Variants in RALGAPA2 observed in about 807,000 individuals in gnomAD.
RALGAPA2 encodes the protein Ral GTPase activating protein catalytic subunit alpha 2.
RALGAPA2 carries 139 observed loss-of-function variants against 230.4 expected under a neutral mutation model. That is an observed-to-expected ratio of 0.60 (90% CI 0.53 to 0.69). The LOEUF is 0.69. RALGAPA2 is among the 30% of genes least tolerant of loss of function. RALGAPA2 has a pLI of 0.00. For synonymous variants in RALGAPA2, 847 were observed against 837.8 expected, an observed-to-expected ratio of 1.01 and a Z score of -0.19; for missense variants, 2,163 against 2,276.0, an observed-to-expected ratio of 0.95 and a Z score of 1.01.
At chr20:20,430,331 C>T (rs534050641) in intron 37 of RALGAPA2, among the ~76,000 whole-genome samples, 20 of 152,334 alleles carry the variant, frequency 1.3e-4, no homozygotes, top group Non-Finnish European at 2.4e-4. Context: ...CACTGACTAC[C>T]GTGGCCAGGC....
intron 30 of RALGAPA2, 89 bp downstream of exon 30, chr20:20,524,317 A>C: frequency 6.7e-7 from 1 of 1,502,310 alleles, no homozygotes; most frequent in Admixed American, 1.9e-5. Flanking sequence ...AAGGGCAATG[A>C]CAAATAAGTA....
chr20:20,521,374 C>T (rs2063036799), intron 30 of RALGAPA2, among the ~76,000 whole-genome samples: 1 of 152,132 alleles, frequency 6.6e-6, no homozygotes, highest in African/African-American at 2.4e-5. Flanking sequence ...AGTCCCCCTC[C>T]TGTCCACCAA....
chr20:20,513,043 T>C lies in RALGAPA2; in HGVS notation c.4326A>G (p.Thr1442=). 6.2e-7 allele frequency: 1 copy of C among 1,611,732 alleles called. No homozygotes were observed. Among genetic ancestry groups the C allele is most frequent in the South Asian group, 1.1e-5 (1 of 90,516 alleles). The change falls in exon 32 of 40, where the codon ACA becomes ACG. Residue 1442 remains threonine, a synonymous_variant. Coordinates refer to ENST00000202677, the MANE Select transcript of RALGAPA2 (RefSeq NM_020343.4). ...NDSTLISYLQ[T]PTEGPVGGSP... ...ATCCCCCTACCGGTCCTTCTGTGGG[T>C]GTCTGAAGGTAGGAGATGAGGGTGC... is the stretch of plus-strand genomic sequence containing the variant.
chr20:20,705,537 T>C (rs1369876379), intron 1 of RALGAPA2, among the ~76,000 whole-genome samples: 2 of 152,206 alleles, frequency 1.3e-5, no homozygotes, highest in Non-Finnish European at 2.9e-5. Context: ...AGAATAGTTG[T>C]TTAATACCTT....
chr20:20,625,793 A>C (rs917697978), intron 10 of RALGAPA2, among the ~76,000 whole-genome samples: 8 of 152,154 alleles, frequency 5.3e-5, no homozygotes, highest in Non-Finnish European at 8.8e-5. Flanking sequence ...TTTACAGTGA[A>C]GTGACCCAGT....
intron 36 of RALGAPA2, among the ~76,000 whole-genome samples, chr20:20,476,613 C>CA (rs2061654437): frequency 6.6e-6 from 1 of 150,558 alleles, no homozygotes; most frequent in Admixed American, 6.6e-5. Flanking sequence ...AAAAATATGA[C>CA]AAAATTGCCA....
At chr20:20,451,394 T>A (rs2060985708) in intron 37 of RALGAPA2, among the ~76,000 whole-genome samples, 1 of 152,124 alleles carries the variant, frequency 6.6e-6, no homozygotes, top group Admixed American at 6.5e-5. Context: ...CAAAAAGTAA[T>A]CTATTTTTAA....
intron 5 of RALGAPA2, among the ~76,000 whole-genome samples, chr20:20,642,276 T>C (rs534641335): frequency 3.2e-4 from 48 of 152,142 alleles, no homozygotes; most frequent in African/African-American, 1.1e-3. Flanking sequence ...AGTGGCATGA[T>C]CTCAGCTCAC....
chr20:20,403,039 G>C (rs113917771), intron 38 of RALGAPA2, among the ~76,000 whole-genome samples: 3 of 151,800 alleles, frequency 2.0e-5, no homozygotes, highest in African/African-American at 7.3e-5. Context: ...TTTCTCACAC[G>C]CCGCCTTTTC....
At chr20:20,420,315 T>C (rs1022348252) in intron 37 of RALGAPA2, among the ~76,000 whole-genome samples, 5 of 152,164 alleles carry the variant, frequency 3.3e-5, no homozygotes, top group African/African-American at 9.7e-5. Flanking sequence ...TTAGAGGAAC[T>C]GCACCACTAA....
chr20:20,586,084 C>A (rs1000272334), intron 18 of RALGAPA2, among the ~76,000 whole-genome samples: 5 of 151,954 alleles, frequency 3.3e-5, no homozygotes, highest in Admixed American at 3.3e-4. Context: ...AGAATATTTC[C>A]TTAGTTAAAA....
At chr20:20,660,774 A>T (rs1306148020) in intron 3 of RALGAPA2, among the ~76,000 whole-genome samples, 1 of 152,166 alleles carries the variant, frequency 6.6e-6, no homozygotes, top group Admixed American at 6.5e-5. Context: ...TTTTGTGGGT[A>T]CTGACAGTAG....
At chr20:20,468,927 C>T (rs963430489) in intron 37 of RALGAPA2, among the ~76,000 whole-genome samples, 1 of 151,722 alleles carries the variant, frequency 6.6e-6, no homozygotes, top group Non-Finnish European at 1.5e-5. Flanking sequence ...TTAAATGTTT[C>T]CATCACCTCC....
intron 1 of RALGAPA2, among the ~76,000 whole-genome samples, chr20:20,707,829 A>C (rs1176516336): frequency 6.6e-6 from 1 of 151,922 alleles, no homozygotes; most frequent in Non-Finnish European, 1.5e-5. Context: ...GACACTGGGG[A>C]CATCCTCTGG....
chr20:20,596,829 T>C (rs1007349605), intron 16 of RALGAPA2, among the ~76,000 whole-genome samples: 2 of 152,244 alleles, frequency 1.3e-5, no homozygotes, highest in African/African-American at 2.4e-5. Flanking sequence ...AATTCTTTGT[T>C]TGGGAGCTGT....
chr20:20,533,566 T>C (rs962014371), intron 26 of RALGAPA2, among the ~76,000 whole-genome samples: 2 of 152,126 alleles, frequency 1.3e-5, no homozygotes, highest in African/African-American at 4.8e-5. Flanking sequence ...ACATTTTTCT[T>C]CCAGAAGGTG....
chr20:20,450,607 C>T (rs1284180973), intron 37 of RALGAPA2, among the ~76,000 whole-genome samples: 1 of 152,264 alleles, frequency 6.6e-6, no homozygotes. Context: ...CAGCCCTGCC[C>T]TGGCTGTGGG....
chr20:20,418,386 C>G (rs2060208042), intron 37 of RALGAPA2, among the ~76,000 whole-genome samples: 1 of 152,164 alleles, frequency 6.6e-6, no homozygotes, highest in African/African-American at 2.4e-5. Context: ...CCCCAAGAAC[C>G]TGCTGCTGGG....
At chr20:20,600,314 A>G (rs1194517397) in intron 16 of RALGAPA2, among the ~76,000 whole-genome samples, 3 of 152,366 alleles carry the variant, frequency 2.0e-5, no homozygotes, top group Non-Finnish European at 2.9e-5. Flanking sequence ...AAACAAAAAA[A>G]GAATCCAATG....
Sources: allele counts gnomAD v4.1 joint callset (sites outside exome capture counted in the v4.1 genomes callset), GRCh38; gene constraint gnomAD v4.1.1; transcripts MANE v1.5; gene names NCBI Gene and HGNC (gene_info 2026-07-23, HGNC 2026-07-21).